Variants in SPIDR observed in about 807,000 individuals in gnomAD.
The protein encoded by SPIDR is DNA repair-scaffolding protein.
A neutral mutation model predicts 104.6 loss-of-function variants in SPIDR; 93 were observed. The ratio of observed to expected loss-of-function variants is 0.89; its 90% CI spans 0.75 to 1.06. SPIDR has a LOEUF of 1.06. SPIDR is among the 50% of genes least tolerant of loss of function. The pLI, the probability that SPIDR is intolerant of heterozygous loss-of-function variation, is 0.00. For synonymous variants in SPIDR, 431 were observed against 416.9 expected, an observed-to-expected ratio of 1.03 and a Z score of -0.41; for missense variants, 1,154 against 1,111.2, an observed-to-expected ratio of 1.04 and a Z score of -0.55.
chr8:47,647,681 A>AGG (rs2070787973), intron 10 of SPIDR, among the ~76,000 whole-genome samples: 1 of 151,222 alleles, frequency 6.6e-6, no homozygotes, highest in African/African-American at 2.4e-5. Flanking sequence ...AGAGAGGGAG[A>AGG]GAGAGAGAGA....
intron 9 of SPIDR, among the ~76,000 whole-genome samples, chr8:47,597,907 C>T (rs961192802): frequency 2.0e-5 from 3 of 152,100 alleles, no homozygotes; most frequent in East Asian, 1.9e-4. Flanking sequence ...TATAAGTTGT[C>T]GCTGAACAGA....
At chr8:47,554,543 T>C (rs191194841) in intron 8 of SPIDR, among the ~76,000 whole-genome samples, 44 of 152,360 alleles carry the variant, frequency 2.9e-4, no homozygotes, top group African/African-American at 9.4e-4. Context: ...CATGGAACCC[T>C]CTGAGCCATG....
At chr8:47,375,655 A>G (rs782427266) in intron 5 of SPIDR, among the ~76,000 whole-genome samples, 3 of 152,150 alleles carry the variant, frequency 2.0e-5, no homozygotes, top group Non-Finnish European at 2.9e-5. Context: ...TTAAAGAGGC[A>G]GTGTCTGGCT....
chr8:47,734,984 G>A (rs2085951436), intron 19 of SPIDR, among the ~76,000 whole-genome samples: 1 of 152,194 alleles, frequency 6.6e-6, no homozygotes, highest in Non-Finnish European at 1.5e-5. Flanking sequence ...GGCACTGTGT[G>A]CCCAGCCCCG....
At chr8:47,618,113 T>A (rs1450341263) in intron 10 of SPIDR, among the ~76,000 whole-genome samples, 1 of 152,262 alleles carries the variant, frequency 6.6e-6, no homozygotes, top group Admixed American at 6.5e-5. Flanking sequence ...CAATGCAGAG[T>A]TAACACGCTT....
intron 10 of SPIDR, among the ~76,000 whole-genome samples, chr8:47,661,380 T>C (rs2074076894): frequency 6.6e-6 from 1 of 152,210 alleles, no homozygotes; most frequent in South Asian, 2.1e-4. Context: ...GGCAGAGAAG[T>C]CGCCTGCAGC....
chr8:47,366,623 C>A (rs1038591606), intron 5 of SPIDR, among the ~76,000 whole-genome samples: 1 of 152,112 alleles, frequency 6.6e-6, no homozygotes, highest in Non-Finnish European at 1.5e-5. Flanking sequence ...GATAATCCCT[C>A]GAAAGTGGAG....
At chr8:47,532,576 C>T (rs2086206118) in intron 8 of SPIDR, among the ~76,000 whole-genome samples, 1 of 152,110 alleles carries the variant, frequency 6.6e-6, no homozygotes, top group Non-Finnish European at 1.5e-5. Context: ...ATCAGTTCTC[C>T]AAGATGGCGT....
intron 5 of SPIDR, among the ~76,000 whole-genome samples, chr8:47,350,265 A>G (rs1554621503): frequency 1.3e-5 from 2 of 152,206 alleles, no homozygotes; most frequent in African/African-American, 4.8e-5. Context: ...AAGATTAGCG[A>G]TTTTAAACCT....
intron 10 of SPIDR, among the ~76,000 whole-genome samples, chr8:47,631,297 G>A (rs1275201046): frequency 6.6e-6 from 1 of 152,182 alleles, no homozygotes; most frequent in Non-Finnish European, 1.5e-5. Context: ...GCAGTCTTTA[G>A]TTGAAGACTT....
chr8:47,596,727 T>C lies in SPIDR; in HGVS notation c.1293+721T>C, dbSNP rs182097432. Reference sequence around the variant, plus strand: ...TTTCTAGCTTTATAAACTTTAAATTTTTCATTAACTTTTTTACTCTTTTAT... The same window carrying C: ...TTTCTAGCTTTATAAACTTTAAATTCTTCATTAACTTTTTTACTCTTTTAT... On this transcript the variant is annotated intron_variant, in intron 9 of 19. Transcript: ENST00000297423. Among the ~76,000 whole-genome samples, 635 of 152,310 alleles carry C rather than the reference T, an allele frequency of 4.2e-3. 6 individuals carry two copies. Among genetic ancestry groups the C allele is most frequent in the South Asian group, 8.3e-3 (40 of 4,826 alleles).
intron 8 of SPIDR, among the ~76,000 whole-genome samples, chr8:47,553,037 G>A (rs766351698): frequency 2.6e-4 from 40 of 152,106 alleles, no homozygotes; most frequent in Non-Finnish European, 2.4e-4. Flanking sequence ...GTTTGGCTGG[G>A]TATGAAATTC....
chr8:47,639,849 G>A (rs1335098392), intron 10 of SPIDR, among the ~76,000 whole-genome samples: 4 of 151,978 alleles, frequency 2.6e-5, no homozygotes, highest in African/African-American at 2.4e-5. Context: ...ACGGGAGGCC[G>A]AGGCAGGAGA....
chr8:47,379,233 C>G (rs527551800), intron 5 of SPIDR, among the ~76,000 whole-genome samples: 1 of 152,104 alleles, frequency 6.6e-6, no homozygotes, highest in Non-Finnish European at 1.5e-5. Flanking sequence ...TGAGATTATT[C>G]GCCTATATTC....
At chr8:47,375,781 T>A (rs1040752988) in intron 5 of SPIDR, among the ~76,000 whole-genome samples, 4 of 152,200 alleles carry the variant, frequency 2.6e-5, no homozygotes, top group African/African-American at 9.7e-5. Context: ...TTTCTTTTAA[T>A]ACAGTTGTCA....
chr8:47,539,017 C>T (rs1301228410), intron 8 of SPIDR, among the ~76,000 whole-genome samples: 3 of 151,664 alleles, frequency 2.0e-5, no homozygotes, highest in Middle Eastern at 3.2e-3. Context: ...CCTGCCACCA[C>T]GCCCAGCTAA....
At chr8:47,346,244 C>T (rs1177524053) in intron 5 of SPIDR, among the ~76,000 whole-genome samples, 1 of 152,116 alleles carries the variant, frequency 6.6e-6, no homozygotes, top group Non-Finnish European at 1.5e-5. Context: ...GTCGTTGGTT[C>T]TGTTTATGTG....
At chr8:47,415,305 C>T (rs1359193677) in intron 7 of SPIDR, among the ~76,000 whole-genome samples, 2 of 152,104 alleles carry the variant, frequency 1.3e-5, no homozygotes, top group African/African-American at 2.4e-5. Flanking sequence ...CCCAGTTTCC[C>T]CCGGTAATGA....
intron 6 of SPIDR, among the ~76,000 whole-genome samples, chr8:47,400,701 G>C (rs1354551488): frequency 7.4e-6 from 1 of 135,692 alleles, no homozygotes; most frequent in Non-Finnish European, 1.6e-5. Flanking sequence ...TTTTAAATTT[G>C]TGGAACTATT....
Sources: gnomAD v4.1 joint callset for allele counts (sites outside exome capture counted in the v4.1 genomes callset) on GRCh38, gnomAD v4.1.1 for gene constraint, MANE v1.5 for transcripts, NCBI Gene and HGNC (gene_info 2026-07-23, HGNC 2026-07-21) for gene names.